The following GNG12 variants were observed in gnomAD, a reference collection of about 807,000 sequenced individuals.
GNG12 encodes G protein subunit gamma 12.
For synonymous variants in GNG12, 28 were observed against 29.7 expected, an observed-to-expected ratio of 0.94 and a Z score of 0.19; for missense variants, 69 against 83.8, an observed-to-expected ratio of 0.82 and a Z score of 0.69.
intron 1 of GNG12, among the ~76,000 whole-genome samples, chr1:67,784,199 A>T (rs1054851671): frequency 2.0e-5 from 3 of 151,026 alleles, no homozygotes; most frequent in African/African-American, 7.3e-5. Flanking sequence ...CATCATTCTC[A>T]GTAAACTATC....
intron 2 of GNG12, among the ~76,000 whole-genome samples, chr1:67,744,221 A>G (rs1170077195): frequency 6.6e-6 from 1 of 152,200 alleles, no homozygotes; most frequent in Non-Finnish European, 1.5e-5. Flanking sequence ...AATCAAGTAA[A>G]TTACAGCTAG....
At chr1:67,766,997 G>A (rs564573235) in intron 2 of GNG12, among the ~76,000 whole-genome samples, 1 of 152,348 alleles carries the variant, frequency 6.6e-6, no homozygotes, top group South Asian at 2.1e-4. Flanking sequence ...AAGGCTCAGA[G>A]TGTGTGTGTC....
intron 1 of GNG12, among the ~76,000 whole-genome samples, chr1:67,782,373 TAC>T (rs1268399625): frequency 6.6e-6 from 1 of 152,188 alleles, no homozygotes; most frequent in Non-Finnish European, 1.5e-5. Flanking sequence ...TGCCCCATTG[TAC>T]AACGGCTTCT....
intron 1 of GNG12, 35 bp downstream of exon 1, chr1:67,833,309 C>A: frequency 2.3e-6 from 2 of 874,150 alleles, no homozygotes; most frequent in South Asian, 5.1e-5. Context: ...CGCGGGGACC[C>A]GACTCACCAC....
At chr1:67,809,564 A>G (rs1200058639) in intron 1 of GNG12, among the ~76,000 whole-genome samples, 1 of 152,244 alleles carries the variant, frequency 6.6e-6, no homozygotes, top group Non-Finnish European at 1.5e-5. Flanking sequence ...ATATATATAA[A>G]GAACTCTTAA....
At chr1:67,820,629 A>G (rs962041152) in intron 1 of GNG12, among the ~76,000 whole-genome samples, 4 of 152,180 alleles carry the variant, frequency 2.6e-5, no homozygotes, top group Non-Finnish European at 4.4e-5. Flanking sequence ...AAACGGTGCC[A>G]TGAAAAGAGT....
At chr1:67,714,296 C>T (rs887874366) in intron 2 of GNG12, among the ~76,000 whole-genome samples, 8 of 152,204 alleles carry the variant, frequency 5.3e-5, no homozygotes, top group African/African-American at 1.2e-4. Context: ...ACTGCCTTTA[C>T]ACTATGCCTT....
At chr1:67,763,274 GTGATTATCCCAATAA>G (rs1646617130) in intron 2 of GNG12, among the ~76,000 whole-genome samples, 1 of 152,036 alleles carries the variant, frequency 6.6e-6, no homozygotes, top group African/African-American at 2.4e-5. Flanking sequence ...TCAGATTTTG[GTGATTATCCCAATAA>G]TGTCCTTTAC....
intron 2 of GNG12, among the ~76,000 whole-genome samples, chr1:67,740,722 T>C (rs1253435497): frequency 1.3e-5 from 2 of 152,112 alleles, no homozygotes; most frequent in Non-Finnish European, 2.9e-5. Context: ...CCTCCATGAG[T>C]GGGATTAATG....
chr1:67,772,211 A>C (rs1019774750), intron 2 of GNG12, among the ~76,000 whole-genome samples: 3 of 152,252 alleles, frequency 2.0e-5, no homozygotes, highest in Non-Finnish European at 2.9e-5. Flanking sequence ...AGAAGTTCAC[A>C]GATCTGTTGA....
chr1:67,710,078 A>ATATATATATAGT (rs1272589426), intron 2 of GNG12, among the ~76,000 whole-genome samples: 235 of 23,010 alleles, frequency 0.01, 11 homozygotes, highest in East Asian at 0.022. Context: ...ATATATAGTT[A>ATATATATATAGT]TATATATATA....
chr1:67,769,084 T>C (rs1352683368), intron 2 of GNG12, among the ~76,000 whole-genome samples: 1 of 152,200 alleles, frequency 6.6e-6, no homozygotes, highest in Admixed American at 6.5e-5. Context: ...ATGTTCAGTC[T>C]TGCCAAGAGA....
intron 2 of GNG12, among the ~76,000 whole-genome samples, chr1:67,754,015 C>T (rs1481302355): frequency 6.6e-6 from 1 of 152,196 alleles, no homozygotes; most frequent in African/African-American, 2.4e-5. Flanking sequence ...TGCCCTGCCC[C>T]TTTGGCCACT....
At chr1:67,721,745 T>C (rs1646357415) in intron 2 of GNG12, among the ~76,000 whole-genome samples, 1 of 152,136 alleles carries the variant, frequency 6.6e-6, no homozygotes, top group Non-Finnish European at 1.5e-5. Context: ...TATTCCAAAT[T>C]CCCTGGTTGA....
Position 67,702,794 on chromosome 1 carries a change from T to C in GNG12, c.*2657A>G, listed in dbSNP as rs1374534541. ...TATAAGAATGAAAAAAAGAAAGAGA[T>C]CACTGTTAACAGAAGCAGCATTAAG... On this transcript the variant is annotated 3_prime_UTR_variant, in exon 4 of 4. Transcript: ENST00000370982. 1 of 152,010 alleles carries C rather than the reference T, an allele frequency of 6.6e-6. No individual in the cohort carries two copies. The highest frequency in any genetic ancestry group is 1.5e-5 in the Non-Finnish European group (1 of 68,006). The allele number at this position is 152,010 out of a possible 1,614,324, so 9.4% of individuals were successfully genotyped here.
intron 1 of GNG12, among the ~76,000 whole-genome samples, chr1:67,787,827 T>C (rs1208285783): frequency 1.3e-5 from 2 of 152,230 alleles, no homozygotes; most frequent in Admixed American, 1.3e-4. Flanking sequence ...TCAATATTCC[T>C]TTCTATTGAT....
At chr1:67,720,623 T>C (rs1469641620) in intron 2 of GNG12, among the ~76,000 whole-genome samples, 1 of 152,256 alleles carries the variant, frequency 6.6e-6, no homozygotes, top group Non-Finnish European at 1.5e-5. Context: ...TTAAGGGCTT[T>C]AGATAAAATT....
rs187611610 is a variant in GNG12, at chr1:67,748,310, G to A, written c.-27+29148C>T. ...CAAGAAAGAAATTCCTGGCTTTCCA[G>A]AGTTTGGTGGCTACCAATCAAAGGT... On this transcript the variant is annotated intron_variant, in intron 2 of 3. Transcript: ENST00000370982. 1.3e-3 allele frequency among the ~76,000 whole-genome samples: 193 copies of A among 152,318 alleles called. 1 individual carries two copies. Among genetic ancestry groups the A allele is most frequent in the Non-Finnish European group, 2.0e-3 (135 of 68,014 alleles).
intron 1 of GNG12, among the ~76,000 whole-genome samples, chr1:67,785,616 G>A (rs896908059): frequency 2.0e-5 from 3 of 152,154 alleles, no homozygotes; most frequent in East Asian, 1.9e-4. Flanking sequence ...TATGGGAGAA[G>A]AATTTTACAT....
Sources: allele counts gnomAD v4.1 joint callset (sites outside exome capture counted in the v4.1 genomes callset), GRCh38; gene constraint gnomAD v4.1.1; transcripts MANE v1.5; gene names NCBI Gene and HGNC (gene_info 2026-07-23, HGNC 2026-07-21).